Variants in TAFA1 observed in about 807,000 individuals in gnomAD.
TAFA1 encodes the protein TAFA chemokine like family member 1, also known as chemokine-like protein TAFA-1.
In TAFA1, 4 loss-of-function variants were observed where a neutral mutation model predicts 18.5. That is an observed-to-expected ratio of 0.22 (90% CI 0.11 to 0.49). The LOEUF (loss-of-function observed/expected upper bound fraction) is 0.49. Ranked by LOEUF, TAFA1 falls within the 20% of genes least tolerant of loss-of-function variation. TAFA1 has a pLI of 0.98. For synonymous variants in TAFA1, 56 were observed against 55.2 expected, an observed-to-expected ratio of 1.01 and a Z score of -0.06; for missense variants, 147 against 169.0, an observed-to-expected ratio of 0.87 and a Z score of 0.72.
At position 68,463,239 on chromosome 3, in the gene TAFA1, T is replaced by C. The variant is rs28523744; in HGVS notation, c.259+45819T>C. On this transcript the variant is annotated intron_variant, in intron 3 of 4. Transcript: ENST00000478136. ...GCAGAACACCATTAAATTTTAAACT[T>C]AATTGCTGTCTCCTCTTAATCTCTA... Among the ~76,000 whole-genome samples the C allele has an allele frequency of 7.0e-3, 1,059 of 152,292 alleles. 20 individuals carry two copies. The highest frequency in any genetic ancestry group is 0.024 in the African/African-American group (998 of 41,572).
At chr3:68,380,020 G>A (rs901189995) in intron 2 of TAFA1, among the ~76,000 whole-genome samples, 3 of 151,560 alleles carry the variant, frequency 2.0e-5, no homozygotes, top group African/African-American at 7.3e-5. Flanking sequence ...TGCGGTGTTT[G>A]GTTTTTCGTC....
intron 3 of TAFA1, among the ~76,000 whole-genome samples, chr3:68,511,209 A>G (rs192113260): frequency 1.3e-5 from 2 of 152,310 alleles, no homozygotes; most frequent in East Asian, 3.9e-4. Flanking sequence ...ACAAACATAT[A>G]GTATAAATAT....
At chr3:68,291,035 G>A (rs993607199) in intron 2 of TAFA1, among the ~76,000 whole-genome samples, 3 of 151,754 alleles carry the variant, frequency 2.0e-5, no homozygotes, top group Non-Finnish European at 1.5e-5. Flanking sequence ...GTGTCACTGT[G>A]AACATCAAAT....
intron 3 of TAFA1, among the ~76,000 whole-genome samples, chr3:68,471,227 G>T (rs1269866276): frequency 6.6e-6 from 1 of 152,224 alleles, no homozygotes; most frequent in Non-Finnish European, 1.5e-5. Flanking sequence ...GAAGTTTGCT[G>T]CAGGGGCAGG....
At chr3:68,213,136 C>T (rs891823544) in intron 2 of TAFA1, among the ~76,000 whole-genome samples, 3 of 151,664 alleles carry the variant, frequency 2.0e-5, no homozygotes, top group African/African-American at 2.4e-5. Context: ...ATGATATAAT[C>T]GGTTATAACA....
intron 2 of TAFA1, among the ~76,000 whole-genome samples, chr3:68,187,645 C>T (rs1296726245): frequency 6.6e-6 from 1 of 151,950 alleles, no homozygotes; most frequent in Non-Finnish European, 1.5e-5. Flanking sequence ...GTTTTGGGAG[C>T]ATGTGTCATG....
At chr3:68,452,164 T>G (rs2071575849) in intron 3 of TAFA1, among the ~76,000 whole-genome samples, 1 of 152,230 alleles carries the variant, frequency 6.6e-6, no homozygotes, top group South Asian at 2.1e-4. Context: ...GGACATGCGG[T>G]TGTGGTCTAA....
At chr3:68,008,695 C>T (rs1487995830) in intron 2 of TAFA1, among the ~76,000 whole-genome samples, 3 of 152,008 alleles carry the variant, frequency 2.0e-5, no homozygotes, top group Non-Finnish European at 4.4e-5. Flanking sequence ...AGTGTGAGCC[C>T]CTTCATATAA....
At chr3:68,074,604 C>G (rs1559727071) in intron 2 of TAFA1, among the ~76,000 whole-genome samples, 1 of 152,176 alleles carries the variant, frequency 6.6e-6, no homozygotes, top group Non-Finnish European at 1.5e-5. Context: ...TCTGACAAAA[C>G]TTGTAACCCT....
Position 68,525,552 on chromosome 3 carries a change from G to A in TAFA1, c.260-13204G>A, listed in dbSNP as rs114767348. Among the ~76,000 whole-genome samples, 1,316 of 152,286 alleles carry A rather than the reference G, an allele frequency of 8.6e-3. 18 individuals are homozygous for A. The highest frequency in any genetic ancestry group is 0.031 in the African/African-American group (1,270 of 41,548). ...TGGTATTGTATAGGAAAACAAAGCT[G>A]TTGATTGTTGTTTTCCACTTTTTAA... On this transcript the variant is annotated intron_variant, in intron 3 of 4. Coordinates refer to ENST00000478136, the MANE Select transcript of TAFA1 (RefSeq NM_213609.4).
intron 2 of TAFA1, among the ~76,000 whole-genome samples, chr3:68,220,304 G>A (rs2066713595): frequency 6.6e-6 from 1 of 152,094 alleles, no homozygotes; most frequent in South Asian, 2.1e-4. Flanking sequence ...TCTAAAGTGA[G>A]CTCTCATGGA....
chr3:68,323,009 C>T (rs547804940), intron 2 of TAFA1, among the ~76,000 whole-genome samples: 2 of 151,996 alleles, frequency 1.3e-5, no homozygotes, highest in Non-Finnish European at 2.9e-5. Context: ...TCCCTACCCC[C>T]AGGAAAATCA....
chr3:68,094,976 A>G (rs543533659), intron 2 of TAFA1, among the ~76,000 whole-genome samples: 6 of 152,282 alleles, frequency 3.9e-5, no homozygotes, highest in South Asian at 4.1e-4. Context: ...AACTGTTGGT[A>G]GTTCCAGAGA....
intron 3 of TAFA1, among the ~76,000 whole-genome samples, chr3:68,464,131 G>A (rs1230538415): frequency 6.6e-6 from 1 of 152,128 alleles, no homozygotes; most frequent in Non-Finnish European, 1.5e-5. Flanking sequence ...TTCCAGCATA[G>A]CCCAACTTTC....
At chr3:68,512,689 T>C (rs1828547) in intron 3 of TAFA1, among the ~76,000 whole-genome samples, 483 of 12,658 alleles carry the variant, frequency 0.038, 11 homozygotes, top group East Asian at 0.23. Flanking sequence ...TTTTTGTTTG[T>C]TTGTTTGTTT....
chr3:68,430,460 G>A (rs773572290), intron 3 of TAFA1, among the ~76,000 whole-genome samples: 3 of 151,942 alleles, frequency 2.0e-5, no homozygotes, highest in Non-Finnish European at 1.5e-5. Flanking sequence ...TCTCTATTAC[G>A]TAACATAGTT....
At position 68,260,307 on chromosome 3, in the gene TAFA1, G is replaced by A. The variant is rs1171887619; in HGVS notation, c.119-156973G>A. 4.4e-4 allele frequency among the ~76,000 whole-genome samples: 67 copies of A among 152,152 alleles called. 1 individual carries two copies. The highest frequency in any genetic ancestry group is 1.4e-3 in the African/African-American group (60 of 41,518). ...TGAAGCCCACTTGATCATGGTGGAT[G>A]AGCTTTTTGATGTGCTGCTGAATTT... On this transcript the variant is annotated intron_variant, in intron 2 of 4. Transcript: ENST00000478136.
At chr3:68,145,120 G>C (rs1181768242) in intron 2 of TAFA1, 3 of 974,088 alleles carry the variant, frequency 3.1e-6, no homozygotes, top group Non-Finnish European at 5.0e-6. Context: ...TGTATGGTCA[G>C]CGTCTAGCTT....
intron 3 of TAFA1, among the ~76,000 whole-genome samples, chr3:68,478,555 C>T (rs576927121): frequency 6.6e-6 from 1 of 152,260 alleles, no homozygotes; most frequent in South Asian, 2.1e-4. Context: ...ATGCTGGAAT[C>T]ATTTCTGTGC....
Sources: gnomAD v4.1 joint callset for allele counts (sites outside exome capture counted in the v4.1 genomes callset) on GRCh38, gnomAD v4.1.1 for gene constraint, MANE v1.5 for transcripts, NCBI Gene and HGNC (gene_info 2026-07-23, HGNC 2026-07-21) for gene names.